STAT4: variants seen among roughly 807,000 people sequenced by gnomAD.
STAT4 encodes the protein signal transducer and activator of transcription 4.
Under a neutral mutation model 110.5 loss-of-function variants are expected in STAT4, and 42 were observed. The ratio of observed to expected loss-of-function variants is 0.38; its 90% confidence interval spans 0.30 to 0.49. The LOEUF is 0.49. STAT4 is among the 20% of genes least tolerant of loss of function. The pLI, the probability that STAT4 is intolerant of heterozygous loss-of-function variation, is 0.95. For missense variants in STAT4, 632 were observed against 887.9 expected, an observed-to-expected ratio of 0.71 and a Z score of 3.66; for synonymous variants, 284 against 302.2, an observed-to-expected ratio of 0.94 and a Z score of 0.63.
Position 191,036,344 on chromosome 2 carries a change from G to A in STAT4, c.1435-45C>T, listed in dbSNP as rs754644726. On this transcript the variant is annotated intron_variant, in intron 16 of 23. Transcript: ENST00000392320. ...ATAATTTGTTAATTATCTTACAGTG[G>A]GTAGCTAGTGAGGTGTGAGCAGGGC... 16 of 1,601,932 alleles carry A rather than the reference G, an allele frequency of 1.0e-5. No individual in the cohort carries two copies. The South Asian group carries it at 1.3e-4, about 13-fold the overall frequency.
intron 3 of STAT4, among the ~76,000 whole-genome samples, chr2:191,130,916 C>T (rs559441091): frequency 1.3e-5 from 2 of 149,086 alleles, no homozygotes; most frequent in Non-Finnish European, 3.0e-5. Context: ...TACAAAATCA[C>T]CTCTCAAAAA....
At chr2:191,151,049 G>T, upstream of STAT4, 3 of 985,538 alleles carry the variant, frequency 3.0e-6, no homozygotes, top group Non-Finnish European at 3.6e-6. The surrounding 1 kb of genome is among the most constrained non-coding windows in gnomAD (Gnocchi z 4.7). Context: ...CATCAGTAGG[G>T]GATTTGCATT....
In STAT4 at chr2:191,039,188, A is replaced by G; in HGVS notation, c.1434+11T>C. 4 of 1,608,262 alleles carry G rather than the reference A, an allele frequency of 2.5e-6. No individual in the cohort carries two copies. The highest frequency in any genetic ancestry group is 2.2e-5 in the South Asian group (2 of 90,986). On this transcript the variant is annotated intron_variant, in intron 16 of 23. Transcript: ENST00000392320. The surrounding 1 kb of genome is among the most constrained non-coding windows in gnomAD (Gnocchi z 4.7). ...TAGCATTAAAGAAGTTGAGGTAGAA[A>G]TAGAGTCTACCTGGGAATCGTTGGT...
rs11410725 is a variant in STAT4 at position 191,049,167 on chromosome 2, C to CTTTT, written c.1251+5319_1251+5322dup. ...AGAATATATTAACAAATGGTAATAG[C>CTTTT]TTTTTTTTTTTTTTTTTTTTTTTGA... On this transcript the variant is annotated intron_variant, in intron 14 of 23. Coordinates refer to ENST00000392320, the MANE Select transcript of STAT4 (RefSeq NM_003151.4). 5.7e-4 allele frequency among the ~76,000 whole-genome samples: 59 copies of CTTTT among 104,142 alleles called. 1 individual carries two copies. Among genetic ancestry groups the CTTTT allele is most frequent in the Non-Finnish European group, 7.6e-4 (39 of 51,428 alleles). 68.3% of individuals were successfully genotyped at this position (104,142 alleles called of 152,430 possible).
At chr2:191,130,271 G>A (rs1457173310) in intron 3 of STAT4, among the ~76,000 whole-genome samples, 1 of 144,870 alleles carries the variant, frequency 6.9e-6, no homozygotes, top group Admixed American at 7.0e-5. Context: ...CGCCCAGGCT[G>A]GAGTGCAGTG....
chr2:191,051,660 G>T lies in STAT4; in HGVS notation c.1251+2830C>A, dbSNP rs1696526435. 6.6e-6 allele frequency among the ~76,000 whole-genome samples: 1 copy of T among 152,218 alleles called. No individual in the cohort carries two copies. The highest frequency in any genetic ancestry group is 2.4e-5 in the African/African-American group (1 of 41,454). ...TGATTTCGGAGCAGGTGGGTGAGGT[G>T]CAGACACTCTGTGAGATAGATGGGG... is the stretch of plus-strand genomic sequence containing the variant. On this transcript the variant is annotated intron_variant, in intron 14 of 23. Coordinates refer to ENST00000392320, the MANE Select transcript of STAT4 (RefSeq NM_003151.4). The surrounding 1 kb of genome is among the most constrained non-coding windows in gnomAD (Gnocchi z 5.6).
rs1254405568 is a variant in STAT4, at chr2:191,032,067, T to A, written c.2045-551A>T. The A allele has an allele frequency of 6.6e-6, 1 of 152,244 alleles. No homozygotes were observed. The highest frequency in any genetic ancestry group is 2.4e-5 in the African/African-American group (1 of 41,442). The allele number at this position is 152,244 out of a possible 1,614,324, so 9.4% of individuals were successfully genotyped here. On this transcript the variant is annotated intron_variant, in intron 21 of 23. Coordinates refer to ENST00000392320, the MANE Select transcript of STAT4 (RefSeq NM_003151.4). The surrounding 1 kb of genome is among the most constrained non-coding windows in gnomAD (Gnocchi z 4.9). ...TTGTTCCAATTTTCCAACCCTAATTTGTTGCATTGATATTTGTTATTTCAT... is the reference window on the plus strand; with the variant it reads ...TTGTTCCAATTTTCCAACCCTAATTAGTTGCATTGATATTTGTTATTTCAT...
In STAT4 at chr2:191,091,449, CAT is replaced by C. The variant is rs1410164755; in HGVS notation, c.274-15126_274-15125del. Reference sequence around the variant, plus strand: ...AAAATCTGAGAAGACACATTAAAAACATAAATTCTAAATGTGAGAGACTTGTT... The same window carrying C: ...AAAATCTGAGAAGACACATTAAAAACAAATTCTAAATGTGAGAGACTTGTT... On this transcript the variant is annotated intron_variant, in intron 3 of 23. Coordinates refer to ENST00000392320, the MANE Select transcript of STAT4 (RefSeq NM_003151.4). The surrounding 1 kb of genome is among the most constrained non-coding windows in gnomAD (Gnocchi z 5.4). Among the ~76,000 whole-genome samples the C allele has an allele frequency of 1.3e-5, 2 of 152,082 alleles. No homozygotes were observed. Among genetic ancestry groups the C allele is most frequent in the Non-Finnish European group, 2.9e-5 (2 of 68,008 alleles).
At position 191,051,496 on chromosome 2, in the gene STAT4, G is replaced by A. The variant is rs956679401; in HGVS notation, c.1251+2994C>T. On this transcript the variant is annotated intron_variant, in intron 14 of 23. Coordinates refer to ENST00000392320, the MANE Select transcript of STAT4 (RefSeq NM_003151.4). The surrounding 1 kb of genome is among the most constrained non-coding windows in gnomAD (Gnocchi z 5.6). ...TGGCTTGTGCAAGCTCAGATTGCCT[G>A]AAGAGGCAAAAACCAACACTGCTAA... Among the ~76,000 whole-genome samples, 1 of 152,256 alleles carries A rather than the reference G, an allele frequency of 6.6e-6. No homozygotes were observed. The highest frequency in any genetic ancestry group is 2.4e-5 in the African/African-American group (1 of 41,460).
At position 191,117,849 on chromosome 2, in the gene STAT4, G is replaced by A. The variant is rs1235005376; in HGVS notation, c.273+28764C>T. Reference sequence around the variant, plus strand: ...ACCTTTGACCTATTCAGTGAGAATTGGAAATGGGGGCTGGAAATCTACACT... The same window carrying A: ...ACCTTTGACCTATTCAGTGAGAATTAGAAATGGGGGCTGGAAATCTACACT... On this transcript the variant is annotated intron_variant, in intron 3 of 23. Coordinates refer to ENST00000392320, the MANE Select transcript of STAT4 (RefSeq NM_003151.4). This position sits in a 1 kb window ranked among gnomAD's most constrained non-coding sequence, Gnocchi z 5.2. Among the ~76,000 whole-genome samples the A allele has an allele frequency of 2.0e-5, 3 of 150,418 alleles. No individual in the cohort carries two copies. The highest frequency in any genetic ancestry group is 4.4e-5 in the Non-Finnish European group (3 of 67,482).
Position 191,064,901 on chromosome 2 carries a change from TG to T in STAT4, c.687del (p.Met230CysfsTer3). ...CAGTCTTGCAGCTCTTCTATGAGCA[TG>T]GTGTTCATTAACAGGTCTGTCTCAT... is the stretch of plus-strand genomic sequence containing the variant. The part of the protein sequence containing the change: ...IIHETDLLMN[T>X]MLIEELQDWK... On this transcript the variant is annotated frameshift_variant, in exon 8 of 24. Coordinates refer to ENST00000392320, the MANE Select transcript of STAT4 (RefSeq NM_003151.4). LOFTEE classifies it high-confidence loss of function. 6.2e-7 allele frequency: 1 copy of T among 1,613,270 alleles called. No individual in the cohort carries two copies. The highest frequency in any genetic ancestry group is 1.3e-5 in the African/African-American group (1 of 74,966).
In STAT4 at chr2:191,069,724, A is replaced by T; in HGVS notation, c.513T>A (p.Phe171Leu). Residue 171 changes from phenylalanine (F) to leucine (L), a missense_variant, in exon 6 of 24, where the codon TTT becomes TTA. Transcript: ENST00000392320. ...TCTGAATTGTTTTATACCTGTAGTC[A>T]AATTCGTCTTGCAGATCTTCTAAGT... ...TKYLEDLQDE[F>L]DYRYKTIQTM... The T allele has an allele frequency of 2.5e-6, 4 of 1,609,986 alleles. No homozygotes were observed. Among genetic ancestry groups the T allele is most frequent in the Non-Finnish European group, 3.4e-6 (4 of 1,178,588 alleles).
chr2:191,111,176 G>T (rs1698412306), intron 3 of STAT4, among the ~76,000 whole-genome samples: 2 of 152,116 alleles, frequency 1.3e-5, no homozygotes, highest in South Asian at 2.1e-4. Flanking sequence ...CAAGAGTCAG[G>T]TTTCAAAATT....
Position 191,031,152 on chromosome 2 carries a change from C to T in STAT4, c.2112-72G>A, listed in dbSNP as rs139653083. On this transcript the variant is annotated intron_variant, in intron 22 of 23. Transcript: ENST00000392320. This position sits in a 1 kb window ranked among gnomAD's most constrained non-coding sequence, Gnocchi z 4.8. ...AATAGTTCACGGTGACTTACTATGT[C>T]AGGAACTCATTTCTAGGGCTTCATC... 8.5e-4 allele frequency: 1,247 copies of T among 1,472,840 alleles called. 21 individuals are homozygous for T. In the South Asian group the frequency reaches 0.013, roughly 16 times the overall value. 91.2% of individuals were successfully genotyped at this position (1,472,840 alleles called of 1,614,324 possible). A position where few individuals can be genotyped will look rare whatever the true frequency, so the allele number is the denominator to read the frequency against.
At chr2:191,044,065 T>C (rs1204976404) in intron 14 of STAT4, among the ~76,000 whole-genome samples, 2 of 152,184 alleles carry the variant, frequency 1.3e-5, no homozygotes, top group Non-Finnish European at 1.5e-5. Context: ...TCTTCAACTA[T>C]ATTTGCAAAG....
intron 13 of STAT4, among the ~76,000 whole-genome samples, chr2:191,056,779 ATTTTTT>A (rs34775786): frequency 1.1e-5 from 1 of 94,512 alleles, no homozygotes; most frequent in Non-Finnish European, 2.2e-5. Flanking sequence ...CTTCTACACT[ATTTTTT>A]TTTTTTTTTT....
rs1230749538 is a variant in STAT4 at position 191,059,019 on chromosome 2, G to T, written c.1035-250C>A. Among the ~76,000 whole-genome samples the T allele has an allele frequency of 1.3e-5, 2 of 151,746 alleles. No individual in the cohort carries two copies. Among genetic ancestry groups the T allele is most frequent in the African/African-American group, 4.8e-5 (2 of 41,278 alleles). On this transcript the variant is annotated intron_variant, in intron 10 of 23. Coordinates refer to ENST00000392320, the MANE Select transcript of STAT4 (RefSeq NM_003151.4). The surrounding 1 kb of genome is among the most constrained non-coding windows in gnomAD (Gnocchi z 4.7). ...TTGGAAGTGTTTCCATATTGCTTCAGTTGATGTTTGCTGGATAATACGTTG... is the reference window on the plus strand; with the variant it reads ...TTGGAAGTGTTTCCATATTGCTTCATTTGATGTTTGCTGGATAATACGTTG...
In STAT4 at chr2:191,148,078, G is replaced by C; in HGVS notation, c.126C>G (p.Asp42Glu). ...AGGGAAAATATGTTTGATCCTACCAGTCTTGATTTTCAATCCATTGGGCCA... is the reference window on the plus strand; with the variant it reads ...AGGGAAAATATGTTTGATCCTACCACTCTTGATTTTCAATCCATTGGGCCA... ...HLLAQWIENQDWEAASNNETM... is the reference protein window; with the variant it reads ...HLLAQWIENQEWEAASNNETM... The change falls in exon 2 of 24, where the codon GAC becomes GAG. Residue 42 changes from aspartate to glutamate, a missense_variant and splice_region_variant. Asp to Glu is a conservative substitution (Grantham distance 45). Transcript: ENST00000392320. 6.2e-7 allele frequency: 1 copy of C among 1,613,706 alleles called. No individual in the cohort carries two copies. The highest frequency in any genetic ancestry group is 1.1e-5 in the South Asian group (1 of 91,066).
intron 5 of STAT4, among the ~76,000 whole-genome samples, chr2:191,070,194 A>G (rs1697103623): frequency 6.6e-6 from 1 of 152,124 alleles, no homozygotes; most frequent in African/African-American, 2.4e-5. Flanking sequence ...GCTTATGACA[A>G]TTCAGCTTAA....
Sources: gnomAD v4.1 joint callset for allele counts (sites outside exome capture counted in the v4.1 genomes callset) on GRCh38, gnomAD v4.1.1 for gene constraint, Gnocchi (gnomAD v3.1) non-coding constraint, MANE v1.5 for transcripts, NCBI Gene and HGNC (gene_info 2026-07-23, HGNC 2026-07-21) for gene names.